Variants in NIN observed in about 807,000 individuals in gnomAD.
NIN encodes the protein glycogen synthase kinase 3 beta-interacting protein.
Under a neutral mutation model 257.6 loss-of-function variants are expected in NIN, and 137 were observed. That is an observed-to-expected ratio of 0.53 (90% CI 0.46 to 0.61). NIN has a LOEUF of 0.61. Ranked by LOEUF, NIN falls within the 20% of genes least tolerant of loss-of-function variation. The probability of loss-of-function intolerance (pLI) is 0.00; values close to 1 mark genes in which losing one functional copy is unlikely to be tolerated. For missense variants in NIN, 2,439 were observed against 2,501.2 expected (o/e 0.98, Z 0.53); for synonymous variants, 918 against 919.8 (o/e 1.00, Z 0.04).
At chr14:50,786,210 A>G (rs1415367003) in intron 5 of NIN, among the ~76,000 whole-genome samples, 2 of 152,242 alleles carry the variant, frequency 1.3e-5, no homozygotes, top group Non-Finnish European at 2.9e-5. Flanking sequence ...AAGAGATTTT[A>G]AAAAATACCT....
At chr14:50,782,187 C>A (rs1444254364) in intron 5 of NIN, among the ~76,000 whole-genome samples, 5 of 152,094 alleles carry the variant, frequency 3.3e-5, no homozygotes, top group African/African-American at 1.2e-4. Context: ...ATGGGTAGCA[C>A]TGTAAATGAT....
chr14:50,736,009 G>C (rs1025040535), intron 27 of NIN, among the ~76,000 whole-genome samples: 1 of 152,130 alleles, frequency 6.6e-6, no homozygotes, highest in African/African-American at 2.4e-5. Flanking sequence ...CCATTAAATT[G>C]ATTTCATTAT....
chr14:50,772,344 G>A lies in NIN; in HGVS notation c.938C>T (p.Thr313Ile). 6.2e-7 allele frequency: 1 copy of A among 1,613,174 alleles called. No individual in the cohort carries two copies. The highest frequency in any genetic ancestry group is 8.5e-7 in the Non-Finnish European group (1 of 1,179,328). The change falls in exon 9 of 31, where the codon ACC (threonine) becomes ATC (isoleucine). Residue 313 changes from threonine to isoleucine, a missense_variant. Transcript: ENST00000530997. ...GHASVERILDTWQEEGIENSQ... is the reference protein window; with the variant it reads ...GHASVERILDIWQEEGIENSQ... ...GTTCTCAATGCCCTCTTCCTGCCAG[G>A]TGTCCAGTATTCTCTCCACAGATGC...
At chr14:50,810,500 T>C (rs1288370382) in intron 3 of NIN, among the ~76,000 whole-genome samples, 5 of 152,076 alleles carry the variant, frequency 3.3e-5, no homozygotes, top group Non-Finnish European at 7.4e-5. Context: ...GAGACCAGCC[T>C]GATAACACAG....
chr14:50,774,409 T>C (rs899240285), intron 7 of NIN, among the ~76,000 whole-genome samples: 3 of 152,224 alleles, frequency 2.0e-5, no homozygotes, highest in African/African-American at 7.2e-5. Flanking sequence ...GTTTCCATTC[T>C]TGCTTTCATA....
At chr14:50,727,321 G>GT (rs2040458002) in intron 29 of NIN, 2 of 987,510 alleles carry the variant, frequency 2.0e-6, no homozygotes, top group Non-Finnish European at 2.4e-6. Flanking sequence ...AATACCCCTG[G>GT]TTTTCTTCAA....
chr14:50,761,555 A>G (rs2042275170), intron 16 of NIN, among the ~76,000 whole-genome samples: 1 of 152,188 alleles, frequency 6.6e-6, no homozygotes, highest in African/African-American at 2.4e-5. Context: ...GGGAGATAAT[A>G]TAATGGGTTT....
Position 50,752,752 on chromosome 14 carries a change from AG to A in NIN, c.4735-20del. The A allele has an allele frequency of 1.4e-6, 2 of 1,456,728 alleles. No individual in the cohort carries two copies. The highest frequency in any genetic ancestry group is 1.9e-6 in the Non-Finnish European group (2 of 1,064,572). 90.2% of individuals were successfully genotyped at this position (1,456,728 alleles called of 1,614,324 possible). A position where few individuals can be genotyped will look rare whatever the true frequency, so the allele number is the denominator to read the frequency against. On this transcript the variant is annotated intron_variant, in intron 20 of 30. Transcript: ENST00000530997. ...CTGAAATCTAATTAAAATTAAAATA[AG>A]TTTTTCAAACTTGTTACCCTACTTG...
At chr14:50,809,564 T>G (rs2044486535) in intron 3 of NIN, among the ~76,000 whole-genome samples, 1 of 152,224 alleles carries the variant, frequency 6.6e-6, no homozygotes, top group Admixed American at 6.5e-5. Flanking sequence ...TTAACTTGAC[T>G]CTGTGAGTCT....
At position 50,752,518 on chromosome 14, in the gene NIN, C is replaced by A; in HGVS notation, c.4950G>T (p.Gln1650His). Residue 1650 changes from glutamine to histidine, a missense_variant and splice_region_variant, in exon 21 of 31, where the codon CAG (glutamine) becomes CAT (histidine). Transcript: ENST00000530997. ...LKEELERCKVQSSTLVSSLEA... is the reference protein window; with the variant it reads ...LKEELERCKVHSSTLVSSLEA... ...GCTGTCAGGTGGCTACAGGCCATAC[C>A]TGCACTTTACAACGTTCCAGTTCTT... is the stretch of plus-strand genomic sequence containing the variant. The A allele has an allele frequency of 6.2e-7, 1 of 1,612,272 alleles. No individual in the cohort carries two copies. The highest frequency in any genetic ancestry group is 8.5e-7 in the Non-Finnish European group (1 of 1,178,678).
Position 50,758,289 on chromosome 14 carries a change from T to A in NIN, c.2741A>T (p.Gln914Leu), listed in dbSNP as rs770216400. ...TAGGTCTTCCAGGTCTTGGAGTAGC[T>A]GCTGTCTCTCGACGACCATGCTGTT... ...HLNSMVVERQ[Q>L]LLQDLEDLRN... Residue 914 changes from glutamine to leucine, a missense_variant, in exon 18 of 31, where the codon CAG becomes CTG. Transcript: ENST00000530997. The A allele has an allele frequency of 1.4e-5, 23 of 1,614,134 alleles. No homozygotes were observed. In the East Asian group the frequency reaches 4.7e-4, roughly 33 times the overall value.
At position 50,756,890 on chromosome 14, in the gene NIN, T is replaced by C. The variant is rs374813946; in HGVS notation, c.4140A>G (p.Val1380=). The change falls in exon 18 of 31, where the codon GTA becomes GTG. Residue 1380 remains valine, a synonymous_variant. Transcript: ENST00000530997. The stretch of plus-strand genomic sequence containing the variant: ...GCTTACATTCCTCTATGACATGATG[T>C]ACACTCCTAACCCTGGGCACACACT... ...LEECVPRVRS[V]HHVIEECKQE... 24 of 1,554,756 alleles carry C rather than the reference T, an allele frequency of 1.5e-5. No individual in the cohort carries two copies. Among genetic ancestry groups the C allele is most frequent in the Non-Finnish European group, 1.7e-5 (19 of 1,148,216 alleles).
At chr14:50,735,463 A>T in intron 28 of NIN, 53 bp downstream of exon 28, 1 of 1,588,114 alleles carries the variant, frequency 6.3e-7, no homozygotes, top group East Asian at 2.3e-5. Flanking sequence ...CAAATACCTC[A>T]TTCATGGATT....
intron 22 of NIN, among the ~76,000 whole-genome samples, chr14:50,746,034 T>TAAAAAAAAAAAAAAAA (rs35691375): frequency 7.4e-6 from 1 of 135,424 alleles, no homozygotes; most frequent in African/African-American, 2.8e-5. Context: ...AATGCTTGTT[T>TAAAAAAAAAAAAAAAA]AAAAAAAAAA....
intron 25 of NIN, among the ~76,000 whole-genome samples, chr14:50,739,825 A>G (rs1291223877): frequency 6.6e-6 from 1 of 152,256 alleles, no homozygotes. Flanking sequence ...AAGTTGCTTC[A>G]TTCTTACGAA....
At chr14:50,772,823 A>G (rs1379464468) in intron 8 of NIN, 126 bp downstream of exon 8, 1 of 802,962 alleles carries the variant, frequency 1.2e-6, no homozygotes, top group Non-Finnish European at 2.0e-6. Flanking sequence ...AAGTCTTTCT[A>G]ATTCTTCTTT....
Position 50,744,281 on chromosome 14 carries a change from C to T in NIN, c.5149G>A (p.Glu1717Lys). ...SYNEKLLKEK[E>K]ALSEELNSCV... ...CTATTTAATTCCTCACTCAGAGCTTCCTTTTCTTTCAGCAGTTTTTCGTTG... is the reference window on the plus strand; with the variant it reads ...CTATTTAATTCCTCACTCAGAGCTTTCTTTTCTTTCAGCAGTTTTTCGTTG... The change falls in exon 23 of 31, where the codon GAA (glutamate) becomes AAA (lysine). Residue 1717 changes from glutamate (E) to lysine (K), a missense_variant. Around this residue, in one of 3 missense-constraint regions of NIN, gnomAD observed 2,043 missense variants for 2,050.2 expected, o/e 1.00. Transcript: ENST00000530997. 6.2e-7 allele frequency: 1 copy of T among 1,614,066 alleles called. No individual in the cohort carries two copies. The highest frequency in any genetic ancestry group is 8.5e-7 in the Non-Finnish European group (1 of 1,179,986).
At chr14:50,725,749 A>G in intron 30 of NIN, 1 of 842,526 alleles carries the variant, frequency 1.2e-6, no homozygotes, top group Non-Finnish European at 1.9e-6. Flanking sequence ...CATGCCTTAA[A>G]CAGAGCTTTG....
intron 15 of NIN, among the ~76,000 whole-genome samples, chr14:50,763,487 A>G (rs574451733): frequency 6.6e-6 from 1 of 152,358 alleles, no homozygotes; most frequent in East Asian, 1.9e-4. Context: ...GAGGACAGCA[A>G]TAGCTCAGTG....
Sources: gnomAD v4.1 joint callset for allele counts (sites outside exome capture counted in the v4.1 genomes callset) on GRCh38, gnomAD v4.1.1 for gene constraint, gnomAD v4.1.1 regional missense constraint, MANE v1.5 for transcripts, NCBI Gene and HGNC (gene_info 2026-07-23, HGNC 2026-07-21) for gene names.